Variants in PKP4 observed in about 807,000 individuals in gnomAD.
PKP4 encodes the protein plakophilin-4.
In PKP4, 90 loss-of-function variants were observed where a neutral mutation model predicts 145.1. The observed-to-expected ratio is 0.62, with a 90% CI of 0.52 to 0.74. The LOEUF is 0.74. Ranked by LOEUF, PKP4 falls within the 30% of genes least tolerant of loss-of-function variation. The pLI, the probability that PKP4 is intolerant of heterozygous loss-of-function variation, is 0.00. For missense variants in PKP4, 1,340 were observed against 1,482.7 expected, an observed-to-expected ratio of 0.90 and a Z score of 1.58; for synonymous variants, 563 against 577.2, an observed-to-expected ratio of 0.98 and a Z score of 0.35.
At position 158,625,202 on chromosome 2, in the gene PKP4, G is replaced by T. The variant is rs566451266; in HGVS notation, c.928G>T (p.Ala310Ser). The change falls in exon 7 of 22, where the codon GCC becomes TCC. Residue 310 changes from alanine to serine, a missense_variant. Ala to Ser is a moderately conservative substitution (Grantham distance 99, BLOSUM62 1). Coordinates refer to ENST00000389759, the MANE Select transcript of PKP4 (RefSeq NM_003628.6). ...NGPTPQYQTT[A>S]RVGSPLTLTD... ...ACCAACCCCTCAATACCAAACCACCGCCAGAGTGGGGTCCCCACTGACCCT... is the reference window on the plus strand; with the variant it reads ...ACCAACCCCTCAATACCAAACCACCTCCAGAGTGGGGTCCCCACTGACCCT... The T allele has an allele frequency of 6.2e-7, 1 of 1,613,934 alleles. No individual in the cohort carries two copies. The highest frequency in any genetic ancestry group is 8.5e-7 in the Non-Finnish European group (1 of 1,180,018).
At chr2:158,623,142 A>G (rs1396254847) in intron 6 of PKP4, among the ~76,000 whole-genome samples, 2 of 152,062 alleles carry the variant, frequency 1.3e-5, no homozygotes, top group Non-Finnish European at 2.9e-5. Flanking sequence ...TTTTGTTACC[A>G]CTATTACCAC....
chr2:158,528,659 C>T (rs368074139), intron 1 of PKP4, among the ~76,000 whole-genome samples: 51 of 91,810 alleles, frequency 5.6e-4, no homozygotes, highest in African/African-American at 1.6e-3. Context: ...AGAAAAGAAA[C>T]TTACTAAATG....
At chr2:158,561,266 A>C (rs1195987417) in intron 2 of PKP4, among the ~76,000 whole-genome samples, 2 of 152,186 alleles carry the variant, frequency 1.3e-5, no homozygotes, top group East Asian at 1.9e-4. Flanking sequence ...TAAAATATTT[A>C]CTGTGTATCT....
chr2:158,663,735 A>G (rs1397963213), intron 15 of PKP4, among the ~76,000 whole-genome samples: 2 of 152,200 alleles, frequency 1.3e-5, no homozygotes, highest in Admixed American at 6.5e-5. Flanking sequence ...GGGTCCTGAA[A>G]GAAGACATCT....
At chr2:158,483,565 G>A (rs1187010307) in intron 1 of PKP4, among the ~76,000 whole-genome samples, 3 of 152,172 alleles carry the variant, frequency 2.0e-5, no homozygotes, top group Admixed American at 2.0e-4. Context: ...CATCAGTGTG[G>A]CAGGTTGGAA....
At chr2:158,464,677 C>A (rs1011345350) in intron 1 of PKP4, among the ~76,000 whole-genome samples, 2 of 152,172 alleles carry the variant, frequency 1.3e-5, no homozygotes, top group East Asian at 1.9e-4. Flanking sequence ...GTTCCCATAC[C>A]TTCATGAGAA....
chr2:158,460,626 T>G (rs1689620182), intron 1 of PKP4, among the ~76,000 whole-genome samples: 1 of 152,234 alleles, frequency 6.6e-6, no homozygotes. Context: ...TTTTTCTTTC[T>G]GTTTCAATTG....
At chr2:158,632,741 CTG>C (rs1439858318) in intron 8 of PKP4, 1 of 152,024 alleles carries the variant, frequency 6.6e-6, no homozygotes, top group African/African-American at 2.4e-5. Flanking sequence ...GTGGGGAAGA[CTG>C]TATCTGAATT....
intron 2 of PKP4, among the ~76,000 whole-genome samples, chr2:158,541,639 G>C (rs975512794): frequency 3.3e-5 from 5 of 151,960 alleles, no homozygotes; most frequent in Non-Finnish European, 5.9e-5. Context: ...TAAATTAAAA[G>C]TATACTTAGA....
intron 1 of PKP4, among the ~76,000 whole-genome samples, chr2:158,494,389 A>AT (rs147096688): frequency 0.019 from 2,929 of 152,318 alleles, 40 homozygotes; most frequent in Non-Finnish European, 0.027. Flanking sequence ...CTACAGCGTT[A>AT]TTTGCAATGA....
chr2:158,577,238 G>A (rs758697706), intron 2 of PKP4, 33 bp from the exon 3 acceptor site: 9 of 1,386,898 alleles, frequency 6.5e-6, no homozygotes, highest in South Asian at 3.6e-5. Flanking sequence ...ATACCTTGGC[G>A]CCTTATATGC....
At chr2:158,530,762 A>G (rs186055134) in intron 1 of PKP4, among the ~76,000 whole-genome samples, 15 of 152,142 alleles carry the variant, frequency 9.9e-5, no homozygotes, top group South Asian at 2.1e-4. Flanking sequence ...TAGTAACGAC[A>G]GGTACCATTG....
At position 158,653,090 on chromosome 2, in the gene PKP4, T is replaced by C. The variant is rs187979777; in HGVS notation, c.1910-5041T>C. 3.5e-4 allele frequency among the ~76,000 whole-genome samples: 54 copies of C among 152,340 alleles called. 1 individual carries two copies. In the East Asian group the frequency reaches 9.4e-3, roughly 27 times the overall value. ...TGCTTTTGGCAATGTCTACAAACAC[T>C]TGGGCTCTTTTTAATATAATTAGGA... On this transcript the variant is annotated intron_variant, in intron 11 of 21. Coordinates refer to ENST00000389759, the MANE Select transcript of PKP4 (RefSeq NM_003628.6).
At chr2:158,469,922 TTTC>T (rs1691284522) in intron 1 of PKP4, among the ~76,000 whole-genome samples, 1 of 152,188 alleles carries the variant, frequency 6.6e-6, no homozygotes, top group African/African-American at 2.4e-5. Context: ...AGCCCTTGTT[TTTC>T]TTCTTCAGGG....
At position 158,637,282 on chromosome 2, in the gene PKP4, T is replaced by C. The variant is rs1574898042; in HGVS notation, c.1562+2993T>C. On this transcript the variant is annotated intron_variant, in intron 9 of 21. Coordinates refer to ENST00000389759, the MANE Select transcript of PKP4 (RefSeq NM_003628.6). Reference sequence around the variant, plus strand: ...TGGCCTTTGTGGAGTCTTGACTAAATTCCCAAGGTGTTCAGTGAGGTCTGC... The same window carrying C: ...TGGCCTTTGTGGAGTCTTGACTAAACTCCCAAGGTGTTCAGTGAGGTCTGC... Among the ~76,000 whole-genome samples the C allele has an allele frequency of 2.6e-5, 4 of 152,136 alleles. No individual in the cohort carries two copies. In the East Asian group the frequency reaches 7.7e-4, roughly 29 times the overall value.
intron 3 of PKP4, among the ~76,000 whole-genome samples, chr2:158,583,429 A>G (rs1283505066): frequency 1.3e-5 from 2 of 152,210 alleles, no homozygotes; most frequent in South Asian, 2.1e-4. Context: ...GTTAAATGGC[A>G]TTCCTTTTAG....
chr2:158,651,245 C>T (rs1172146971), intron 11 of PKP4, among the ~76,000 whole-genome samples: 2 of 152,132 alleles, frequency 1.3e-5, no homozygotes, highest in Non-Finnish European at 2.9e-5. Flanking sequence ...CCCACCACCC[C>T]CTTGACTTCC....
In PKP4 at chr2:158,631,924, T is replaced by G. The variant is rs1300472928; in HGVS notation, c.1325T>G (p.Leu442Trp). Reference protein sequence around the residue: ...TVELQGSQTALYRTGSVGIGN... With the variant: ...TVELQGSQTAWYRTGSVGIGN... The stretch of plus-strand genomic sequence containing the variant: ...GAGCTCCAAGGATCGCAGACGGCGT[T>G]GTATCGCACAGGTTCAGGTGGGCAT... The change falls in exon 8 of 22, where the codon TTG (leucine) becomes TGG (tryptophan). Residue 442 changes from leucine (L) to tryptophan (W), a missense_variant. By Grantham distance (61) the Leu-to-Trp change is moderately conservative. Coordinates refer to ENST00000389759, the MANE Select transcript of PKP4 (RefSeq NM_003628.6). 2 of 1,613,816 alleles carry G rather than the reference T, an allele frequency of 1.2e-6. No homozygotes were observed. Among genetic ancestry groups the G allele is most frequent in the Non-Finnish European group, 1.7e-6 (2 of 1,179,992 alleles).
chr2:158,566,775 ATAAAT>A (rs2047022848), intron 2 of PKP4, among the ~76,000 whole-genome samples: 1 of 152,230 alleles, frequency 6.6e-6, no homozygotes. Flanking sequence ...AATTTTAAAC[ATAAAT>A]TAATAAAACC....
Sources: gnomAD v4.1 joint callset for allele counts (sites outside exome capture counted in the v4.1 genomes callset) on GRCh38, gnomAD v4.1.1 for gene constraint, MANE v1.5 for transcripts, NCBI Gene and HGNC (gene_info 2026-07-23, HGNC 2026-07-21) for gene names.